FAR2: variants seen among roughly 807,000 people sequenced by gnomAD.
FAR2 encodes the protein fatty acyl-CoA reductase 2.
FAR2 carries 19 observed loss-of-function variants against 56.0 expected under a neutral mutation model. The observed-to-expected ratio is 0.34, with a 90% CI of 0.24 to 0.50. The LOEUF is 0.50. Among genes scored for constraint, FAR2 ranks in the 20% least tolerant of loss-of-function variants. The probability of loss-of-function intolerance (pLI) is 0.98; values close to 1 mark genes in which losing one functional copy is unlikely to be tolerated. For synonymous variants in FAR2, 219 were observed against 218.8 expected (o/e 1.00, Z -0.01); for missense variants, 508 against 642.2 (o/e 0.79, Z 2.26).
chr12:29,265,055 T>C (rs1948491073), intron 1 of FAR2, among the ~76,000 whole-genome samples: 1 of 152,218 alleles, frequency 6.6e-6, no homozygotes, highest in Admixed American at 6.5e-5. Flanking sequence ...AGATATTCCA[T>C]GTTCATGTGT....
rs190975607 is a variant in FAR2, at chr12:29,276,177, C to T, written c.189+5539C>T. 2.2e-3 allele frequency among the ~76,000 whole-genome samples: 339 copies of T among 152,298 alleles called. 2 individuals carry two copies. The highest frequency in any genetic ancestry group is 3.4e-3 in the Middle Eastern group (1 of 294). ...ATAATACCTTGCTTACCCAGGGAGT[C>T]TCTGCGTCTTTCTCTCTTGCCCTCA... On this transcript the variant is annotated intron_variant, in intron 2 of 11. Transcript: ENST00000536681.
intron 10 of FAR2, among the ~76,000 whole-genome samples, chr12:29,328,024 C>T (rs1419165618): frequency 6.6e-6 from 1 of 152,084 alleles, no homozygotes; most frequent in African/African-American, 2.4e-5. Flanking sequence ...GGGCTAATAT[C>T]CAGAATCTAC....
intron 1 of FAR2, among the ~76,000 whole-genome samples, chr12:29,164,444 T>G (rs1949808667): frequency 6.6e-6 from 1 of 152,194 alleles, no homozygotes; most frequent in South Asian, 2.1e-4. Context: ...TCTTTTGTCC[T>G]CCACCCTCAC....
At chr12:29,275,550 A>G (rs1948695830) in intron 2 of FAR2, among the ~76,000 whole-genome samples, 1 of 152,160 alleles carries the variant, frequency 6.6e-6, no homozygotes. Context: ...TGACTTCCAC[A>G]ATGGTTGAAC....
At chr12:29,244,232 A>G (rs1289671283) in intron 1 of FAR2, among the ~76,000 whole-genome samples, 2 of 152,238 alleles carry the variant, frequency 1.3e-5, no homozygotes, top group African/African-American at 4.8e-5. Flanking sequence ...ATGCTCCAAA[A>G]ATGCTGAATT....
At chr12:29,274,560 C>A (rs1035058509) in intron 2 of FAR2, among the ~76,000 whole-genome samples, 1 of 151,974 alleles carries the variant, frequency 6.6e-6, no homozygotes, top group Non-Finnish European at 1.5e-5. Flanking sequence ...TATTGTCAGG[C>A]CTCTGAGCCC....
chr12:29,153,429 G>A (rs1182474755), intron 1 of FAR2, among the ~76,000 whole-genome samples: 1 of 152,202 alleles, frequency 6.6e-6, no homozygotes, highest in African/African-American at 2.4e-5. Context: ...AGCATTCAGG[G>A]GACAGAGAGA....
Position 29,333,620 on chromosome 12 carries a change from T to TCTGTTCC in FAR2, c.1386-9_1386-3dup. The TCTGTTCC allele has an allele frequency of 6.2e-7, 1 of 1,608,858 alleles. No individual in the cohort carries two copies. Among genetic ancestry groups the TCTGTTCC allele is most frequent in the Non-Finnish European group, 8.5e-7 (1 of 1,177,414 alleles). On this transcript the variant is annotated splice_polypyrimidine_tract_variant and intron_variant, in intron 11 of 11. Transcript: ENST00000536681. ...GTAGTTTTAACTTTGGTTATGTCTG[T>TCTGTTCC]CTGTTCCCTAGGCTCCGAAATATTC...
intron 1 of FAR2, among the ~76,000 whole-genome samples, chr12:29,172,952 G>T (rs908649821): frequency 1.3e-5 from 2 of 152,152 alleles, no homozygotes. Context: ...TAGGGAATTT[G>T]TCCCTTTCTT....
intron 1 of FAR2, among the ~76,000 whole-genome samples, chr12:29,240,421 A>ACC (rs892885212): frequency 6.6e-6 from 1 of 152,118 alleles, no homozygotes; most frequent in African/African-American, 2.4e-5. Flanking sequence ...CCAATGGCCG[A>ACC]CGCTGCTCCA....
intron 1 of FAR2, among the ~76,000 whole-genome samples, chr12:29,203,827 G>A (rs544884958): frequency 2.4e-4 from 37 of 151,614 alleles, no homozygotes; most frequent in African/African-American, 6.5e-4. Context: ...GTGAAACCCC[G>A]TCTCTACTAA....
At chr12:29,193,632 G>A (rs1950120814) in intron 1 of FAR2, among the ~76,000 whole-genome samples, 2 of 152,112 alleles carry the variant, frequency 1.3e-5, no homozygotes, top group African/African-American at 2.4e-5. Flanking sequence ...ACTACAGTTT[G>A]TTTATTCACT....
intron 4 of FAR2, among the ~76,000 whole-genome samples, chr12:29,298,399 A>C (rs1179932812): frequency 6.6e-6 from 1 of 151,624 alleles, no homozygotes; most frequent in Non-Finnish European, 1.5e-5. Flanking sequence ...CTGTATTTAT[A>C]TTTAATATAT....
At chr12:29,207,485 C>T (rs1947489048) in intron 1 of FAR2, among the ~76,000 whole-genome samples, 2 of 152,186 alleles carry the variant, frequency 1.3e-5, no homozygotes, top group African/African-American at 4.8e-5. Flanking sequence ...CCTGGGTTCT[C>T]ATCCCATTTA....
chr12:29,273,071 C>A (rs529786903), intron 2 of FAR2, among the ~76,000 whole-genome samples: 1 of 152,138 alleles, frequency 6.6e-6, no homozygotes, highest in Non-Finnish European at 1.5e-5. Context: ...AGTAGGATTG[C>A]TCCTGTATAG....
At position 29,268,064 on chromosome 12, in the gene FAR2, G is replaced by C. The variant is rs556708725; in HGVS notation, c.-38-2348G>C. Among the ~76,000 whole-genome samples, 3 of 152,320 alleles carry C rather than the reference G, an allele frequency of 2.0e-5. No individual in the cohort carries two copies. In the South Asian group the frequency reaches 6.2e-4, roughly 32 times the overall value. On this transcript the variant is annotated intron_variant, in intron 1 of 11. Transcript: ENST00000536681. Reference sequence around the variant, plus strand: ...CCCAAAGGCAAAGAATTCTGTCTAAGAACATGGACTCAAGATCTTCAAATA... The same window carrying C: ...CCCAAAGGCAAAGAATTCTGTCTAACAACATGGACTCAAGATCTTCAAATA...
intron 4 of FAR2, among the ~76,000 whole-genome samples, chr12:29,299,213 C>CAGAAAAAAAAAAAAAA (rs1565512259): frequency 9.7e-6 from 1 of 103,572 alleles, no homozygotes; most frequent in African/African-American, 3.9e-5. Flanking sequence ...AACTTTGTCT[C>CAGAAAAAAAAAAAAAA]AAAAAAAAAA....
chr12:29,154,978 T>A (rs142063252), intron 1 of FAR2, among the ~76,000 whole-genome samples: 108 of 152,360 alleles, frequency 7.1e-4, no homozygotes, highest in African/African-American at 2.5e-3. Context: ...TCTTTAATCC[T>A]ACTTAGTTGG....
At chr12:29,201,579 C>T (rs530043437) in intron 1 of FAR2, among the ~76,000 whole-genome samples, 1 of 152,244 alleles carries the variant, frequency 6.6e-6, no homozygotes, top group African/African-American at 2.4e-5. Flanking sequence ...AAGAACTTTA[C>T]TTCCTATTGT....
Sources: gnomAD v4.1 joint callset for allele counts (sites outside exome capture counted in the v4.1 genomes callset) on GRCh38, gnomAD v4.1.1 for gene constraint, MANE v1.5 for transcripts, NCBI Gene and HGNC (gene_info 2026-07-23, HGNC 2026-07-21) for gene names.